Variants in HECW1 observed in about 807,000 individuals in gnomAD.
HECW1 encodes HECT, C2 and WW domain containing E3 ubiquitin protein ligase 1, also known as E3 ubiquitin-protein ligase HECW1.
Under a neutral mutation model 182.3 loss-of-function variants are expected in HECW1, and 61 were observed. The ratio of observed to expected loss-of-function variants is 0.33; its 90% confidence interval spans 0.27 to 0.41. The LOEUF (loss-of-function observed/expected upper bound fraction) is 0.41. Ranked by LOEUF, HECW1 falls within the 10% of genes least tolerant of loss-of-function variation. The pLI is 1.00. For synonymous variants in HECW1, 859 were observed against 832.6 expected, an observed-to-expected ratio of 1.03 and a Z score of -0.55; for missense variants, 1,739 against 2,108.9, an observed-to-expected ratio of 0.82 and a Z score of 3.44.
intron 2 of HECW1, among the ~76,000 whole-genome samples, chr7:43,139,044 C>T (rs1330341914): frequency 2.0e-5 from 3 of 152,146 alleles, no homozygotes; most frequent in Admixed American, 6.5e-5. Context: ...TTTAACAAGG[C>T]GTTTTCACAT....
At chr7:43,305,823 C>T (rs929811422) in intron 3 of HECW1, among the ~76,000 whole-genome samples, 6 of 151,396 alleles carry the variant, frequency 4.0e-5, no homozygotes, top group South Asian at 4.2e-4. Flanking sequence ...TTCAATGGCA[C>T]GATCTCGGCT....
chr7:43,360,801 T>A (rs779236449), intron 5 of HECW1, 85 bp from the exon 6 acceptor site: 241 of 977,308 alleles, frequency 2.5e-4, no homozygotes, highest in Admixed American at 3.3e-4. Context: ...TATGTTGCAG[T>A]TCTTAGAGAT....
chr7:43,486,768 A>G lies in HECW1; in HGVS notation c.3235-5307A>G, dbSNP rs113490996. 2.6e-3 allele frequency among the ~76,000 whole-genome samples: 402 copies of G among 152,340 alleles called. 3 individuals are homozygous for G. The highest frequency in any genetic ancestry group is 9.1e-3 in the African/African-American group (379 of 41,576). ...GCACATCACTGTATGAACAATATGTAATGAATGCAGAATACAGACACAGAT... is the reference window on the plus strand; with the variant it reads ...GCACATCACTGTATGAACAATATGTGATGAATGCAGAATACAGACACAGAT... On this transcript the variant is annotated intron_variant, in intron 17 of 29. Transcript: ENST00000395891.
At chr7:43,442,897 G>A (rs2076933186) in intron 10 of HECW1, among the ~76,000 whole-genome samples, 1 of 152,194 alleles carries the variant, frequency 6.6e-6, no homozygotes, top group African/African-American at 2.4e-5. Context: ...TGGATAGGGA[G>A]TTCTGTCTTA....
intron 8 of HECW1, among the ~76,000 whole-genome samples, chr7:43,418,973 T>G (rs2076098784): frequency 6.6e-6 from 1 of 152,236 alleles, no homozygotes; most frequent in Admixed American, 6.5e-5. Context: ...GTCATCCATA[T>G]GGTGGGAGGC....
At chr7:43,330,702 T>C (rs1051818225) in intron 5 of HECW1, among the ~76,000 whole-genome samples, 2 of 151,346 alleles carry the variant, frequency 1.3e-5, no homozygotes, top group Non-Finnish European at 2.9e-5. Flanking sequence ...GTTCGAGGAG[T>C]TGGTGAGAAA....
chr7:43,326,418 CCCCACG>C (rs1181006477), intron 5 of HECW1, among the ~76,000 whole-genome samples: 1 of 152,190 alleles, frequency 6.6e-6, no homozygotes, highest in African/African-American at 2.4e-5. Context: ...TGGGGCTCAA[CCCCACG>C]CCCAGGGAGG....
chr7:43,341,155 G>C (rs1382468017), intron 5 of HECW1, among the ~76,000 whole-genome samples: 3 of 151,608 alleles, frequency 2.0e-5, no homozygotes, highest in Non-Finnish European at 4.4e-5. Flanking sequence ...CCCAGGGTCT[G>C]TCATAGGGTT....
At position 43,295,187 on chromosome 7, in the gene HECW1, G is replaced by A. The variant is rs370481097; in HGVS notation, c.28-16576G>A. Among the ~76,000 whole-genome samples, 6 of 152,266 alleles carry A rather than the reference G, an allele frequency of 3.9e-5. No homozygotes were observed. In the East Asian group the frequency reaches 5.8e-4, roughly 15 times the overall value. On this transcript the variant is annotated intron_variant, in intron 3 of 29. Coordinates refer to ENST00000395891, the MANE Select transcript of HECW1 (RefSeq NM_015052.5). ...CATTGTCTCGTGTGAGCAGAGGGAC[G>A]ACTTTGAGTTCTGCCTGTTATTTGT... is the stretch of plus-strand genomic sequence containing the variant.
intron 6 of HECW1, among the ~76,000 whole-genome samples, chr7:43,391,235 G>C (rs112166223): frequency 0.023 from 3,460 of 152,284 alleles, 43 homozygotes; most frequent in Non-Finnish European, 0.033. Flanking sequence ...TAGCTTAGAA[G>C]GTATGTAAGT....
chr7:43,238,960 C>T (rs1259580300), intron 2 of HECW1: 1 of 152,128 alleles, frequency 6.6e-6, no homozygotes, highest in Non-Finnish European at 1.5e-5. Context: ...TGTTATATAA[C>T]AGTAAATTTT....
At chr7:43,481,954 G>A (rs1159550940) in intron 17 of HECW1, among the ~76,000 whole-genome samples, 10 of 139,910 alleles carry the variant, frequency 7.1e-5, no homozygotes, top group Middle Eastern at 8.3e-3. Flanking sequence ...CAGCCTGAGC[G>A]ACACAGCGAG....
intron 3 of HECW1, among the ~76,000 whole-genome samples, chr7:43,267,482 G>A (rs1409469773): frequency 6.6e-6 from 1 of 151,826 alleles, no homozygotes; most frequent in Non-Finnish European, 1.5e-5. Context: ...AGTTCTGTAT[G>A]TTTTTATTAT....
At chr7:43,213,491 G>C (rs1796176903) in intron 2 of HECW1, among the ~76,000 whole-genome samples, 1 of 145,274 alleles carries the variant, frequency 6.9e-6, no homozygotes, top group Non-Finnish European at 1.5e-5. Flanking sequence ...TGTCGCCCAG[G>C]CTGGAGTGTA....
chr7:43,410,278 G>C (rs2075757577), intron 8 of HECW1, among the ~76,000 whole-genome samples: 1 of 152,192 alleles, frequency 6.6e-6, no homozygotes, highest in Non-Finnish European at 1.5e-5. Flanking sequence ...TTGGGTTCTG[G>C]TGAGGGCCTC....
At chr7:43,142,336 C>T (rs560146320) in intron 2 of HECW1, among the ~76,000 whole-genome samples, 1 of 152,190 alleles carries the variant, frequency 6.6e-6, no homozygotes, top group Non-Finnish European at 1.5e-5. Context: ...CTTACTCGCA[C>T]TCCAGTGTTC....
intron 3 of HECW1, among the ~76,000 whole-genome samples, chr7:43,252,547 C>A (rs1800147619): frequency 6.6e-6 from 1 of 152,276 alleles, no homozygotes; most frequent in South Asian, 2.1e-4. Context: ...ATGGCCCAAG[C>A]CATGCAGAGG....
intron 6 of HECW1, among the ~76,000 whole-genome samples, chr7:43,385,200 CCTCCCCTCCCCT>C (rs2074723094): frequency 2.1e-5 from 1 of 47,892 alleles, no homozygotes; most frequent in Non-Finnish European, 4.1e-5. Flanking sequence ...TCCCCTCTCC[CCTCCCCTCCCCT>C]CTCCCCACCC....
At chr7:43,343,370 T>C (rs1205112517) in intron 5 of HECW1, among the ~76,000 whole-genome samples, 3 of 151,538 alleles carry the variant, frequency 2.0e-5, no homozygotes, top group African/African-American at 7.3e-5. Context: ...GCTGCACCCA[T>C]CAACTCGTCA....
Sources: allele counts gnomAD v4.1 joint callset (sites outside exome capture counted in the v4.1 genomes callset), GRCh38; gene constraint gnomAD v4.1.1; transcripts MANE v1.5; gene names NCBI Gene and HGNC (gene_info 2026-07-23, HGNC 2026-07-21).